Variants in SFI1 observed in about 807,000 individuals in gnomAD.
SFI1 encodes the protein protein SFI1 homolog.
SFI1 carries 195 observed loss-of-function variants against 207.5 expected under a neutral mutation model. That is an observed-to-expected ratio of 0.94 (90% CI 0.84 to 1.06). SFI1 has a LOEUF of 1.06. Ranked by LOEUF, SFI1 falls within the 50% of genes least tolerant of loss-of-function variation. SFI1 has a pLI of 0.00. For missense variants in SFI1, 1,634 were observed against 1,588.0 expected, an observed-to-expected ratio of 1.03 and a Z score of -0.49; for synonymous variants, 630 against 598.9, an observed-to-expected ratio of 1.05 and a Z score of -0.76.
intron 6 of SFI1, among the ~76,000 whole-genome samples, chr22:31,554,768 G>A (rs957015448): frequency 2.0e-5 from 3 of 151,842 alleles, no homozygotes; most frequent in African/African-American, 7.3e-5. Flanking sequence ...CACCACGCCC[G>A]GCTAATTTTT....
At chr22:31,533,312 G>C (rs2058694827) in intron 4 of SFI1, among the ~76,000 whole-genome samples, 1 of 152,206 alleles carries the variant, frequency 6.6e-6, no homozygotes, top group African/African-American at 2.4e-5. Context: ...CGGATTACTT[G>C]AGGTCAGGAG....
At chr22:31,570,085 T>TC (rs1358743135) in intron 8 of SFI1, among the ~76,000 whole-genome samples, 1 of 151,740 alleles carries the variant, frequency 6.6e-6, no homozygotes, top group Non-Finnish European at 1.5e-5. Flanking sequence ...CCATTGCACT[T>TC]CAGTCTGGCA....
chr22:31,601,583 C>T (rs571000002), intron 15 of SFI1, among the ~76,000 whole-genome samples: 5 of 152,304 alleles, frequency 3.3e-5, no homozygotes, highest in African/African-American at 4.8e-5. Flanking sequence ...CTCTCATGAA[C>T]AATCCTTTAT....
chr22:31,618,251 T>G (rs2072161566), intron 32 of SFI1, 25 bp downstream of exon 32: 2 of 1,597,354 alleles, frequency 1.3e-6, no homozygotes, highest in Admixed American at 1.8e-5. Context: ...CATCCCCAGG[T>G]GTCCCTGGGG....
chr22:31,528,469 C>T (rs1052389643), intron 2 of SFI1, among the ~76,000 whole-genome samples: 1 of 152,148 alleles, frequency 6.6e-6, no homozygotes, highest in Admixed American at 6.6e-5. Flanking sequence ...AGGGGGTGCC[C>T]TCCAGCTCTG....
chr22:31,554,040 G>A (rs2060919555), intron 6 of SFI1, among the ~76,000 whole-genome samples: 1 of 150,926 alleles, frequency 6.6e-6, no homozygotes, highest in African/African-American at 2.4e-5. Flanking sequence ...GTCTTGCTTT[G>A]TTGCCCAGGC....
intron 27 of SFI1, chr22:31,614,396 G>C (rs952215723): frequency 2.6e-6 from 1 of 391,038 alleles, no homozygotes; most frequent in African/African-American, 2.1e-5. Context: ...CGAGAGCCTT[G>C]GGCCTCGGGG....
rs571861034 is a variant in SFI1 at position 31,593,956 on chromosome 22, G to A, written c.1544+4379G>A. Among the ~76,000 whole-genome samples, 9 of 141,862 alleles carry A rather than the reference G, an allele frequency of 6.3e-5. No individual in the cohort carries two copies. In the South Asian group the frequency reaches 1.6e-3, roughly 25 times the overall value. The allele number at this position is 141,862 out of a possible 152,430, so 93.1% of individuals were successfully genotyped here. ...AGCAGTACAGTCCAGCTTCGGCTCC[G>A]CATGAGAGGGAGACCATGGGGAGAC... On this transcript the variant is annotated intron_variant, in intron 15 of 32. Transcript: ENST00000400288.
intron 15 of SFI1, among the ~76,000 whole-genome samples, chr22:31,593,356 T>G (rs1266432835): frequency 7.9e-6 from 1 of 127,188 alleles, no homozygotes; most frequent in African/African-American, 3.1e-5. Flanking sequence ...ACATCCCAGA[T>G]GGGACGGCGG....
intron 19 of SFI1, chr22:31,604,633 C>A: frequency 1.7e-6 from 1 of 585,934 alleles, no homozygotes; most frequent in Non-Finnish European, 3.0e-6. Context: ...GTAGCGAAAG[C>A]AGCTCCTTTC....
intron 8 of SFI1, among the ~76,000 whole-genome samples, chr22:31,566,194 A>T (rs1179511779): frequency 6.6e-6 from 1 of 151,648 alleles, no homozygotes; most frequent in Non-Finnish European, 1.5e-5. Flanking sequence ...CCCAGGTTCA[A>T]GCAATTCTTC....
chr22:31,541,042 T>G (rs1022840944), intron 4 of SFI1, among the ~76,000 whole-genome samples: 3 of 152,138 alleles, frequency 2.0e-5, no homozygotes, highest in Non-Finnish European at 4.4e-5. Flanking sequence ...GAGTCTTTGC[T>G]TGAGTGAATA....
intron 2 of SFI1, among the ~76,000 whole-genome samples, chr22:31,518,488 GA>G (rs2056816585): frequency 6.6e-6 from 1 of 151,996 alleles, no homozygotes; most frequent in African/African-American, 2.4e-5. Context: ...CTAGTTTATA[GA>G]AATATAGAGT....
At chr22:31,610,384 AC>A (rs2069873566) in intron 22 of SFI1, among the ~76,000 whole-genome samples, 1 of 152,156 alleles carries the variant, frequency 6.6e-6, no homozygotes, top group Admixed American at 6.5e-5. Flanking sequence ...AGAGATACAC[AC>A]TTAGGACAGA....
intron 1 of SFI1, among the ~76,000 whole-genome samples, chr22:31,501,243 C>T (rs1222614053): frequency 1.3e-5 from 2 of 150,800 alleles, no homozygotes; most frequent in Non-Finnish European, 2.9e-5. Flanking sequence ...GTGATCTTGG[C>T]TCACTGCAAG....
intron 15 of SFI1, among the ~76,000 whole-genome samples, chr22:31,591,297 T>C (rs2065867015): frequency 6.6e-6 from 1 of 152,136 alleles, no homozygotes; most frequent in East Asian, 1.9e-4. Context: ...AGGTCACAGA[T>C]CAACAGGATC....
intron 22 of SFI1, among the ~76,000 whole-genome samples, chr22:31,609,938 C>T (rs573769175): frequency 1.2e-3 from 180 of 152,266 alleles, no homozygotes; most frequent in Non-Finnish European, 1.9e-3. Flanking sequence ...AAGTTAGAGG[C>T]GACGGGTTTG....
chr22:31,578,538 C>A, intron 11 of SFI1, 86 bp downstream of exon 11: 1 of 1,217,132 alleles, frequency 8.2e-7, no homozygotes, highest in South Asian at 1.5e-5. Context: ...CTATCACCTT[C>A]ATTAAATGCA....
intron 15 of SFI1, among the ~76,000 whole-genome samples, chr22:31,594,483 G>A (rs190629585): frequency 3.0e-3 from 455 of 151,048 alleles, no homozygotes; most frequent in African/African-American, 0.011. Context: ...GGGAGATGGA[G>A]GTTGCCGTGA....
Sources: gnomAD v4.1 joint callset for allele counts (sites outside exome capture counted in the v4.1 genomes callset) on GRCh38, gnomAD v4.1.1 for gene constraint, MANE v1.5 for transcripts, NCBI Gene and HGNC (gene_info 2026-07-23, HGNC 2026-07-21) for gene names.